The following RBFOX1 variants were observed in gnomAD, a reference collection of about 807,000 sequenced individuals.
RBFOX1 encodes RNA binding fox-1 homolog 1, also known as RNA binding protein fox-1 homolog 1.
A neutral mutation model predicts 57.7 loss-of-function variants in RBFOX1; 8 were observed. The ratio of observed to expected loss-of-function variants is 0.14; its 90% CI spans 0.08 to 0.25. RBFOX1 has a LOEUF of 0.25. RBFOX1 is among the 10% of genes least tolerant of loss of function. The probability of loss-of-function intolerance (pLI) is 1.00; values close to 1 mark genes in which losing one functional copy is unlikely to be tolerated. For synonymous variants in RBFOX1, 326 were observed against 222.4 expected, an observed-to-expected ratio of 1.47 and a Z score of -4.15; for missense variants, 611 against 548.5, an observed-to-expected ratio of 1.11 and a Z score of -1.14.
intron 4 of RBFOX1, among the ~76,000 whole-genome samples, chr16:7,102,781 T>C (rs1047195849): frequency 5.9e-5 from 9 of 152,174 alleles, no homozygotes; most frequent in African/African-American, 2.2e-4. Flanking sequence ...TCACTTGTCA[T>C]TTTACAAAGA....
chr16:7,027,334 G>T (rs1046782069), intron 3 of RBFOX1, among the ~76,000 whole-genome samples: 1 of 152,142 alleles, frequency 6.6e-6, no homozygotes, highest in African/African-American at 2.4e-5. Flanking sequence ...ATAGAATTTT[G>T]TCTCTGTGCC....
chr16:5,288,985 C>T (rs1378590211), intron 1 of RBFOX1, among the ~76,000 whole-genome samples: 1 of 151,794 alleles, frequency 6.6e-6, no homozygotes, highest in Admixed American at 6.6e-5. Context: ...ATTAGCTGGG[C>T]ATGGTGGCGC....
intron 3 of RBFOX1, among the ~76,000 whole-genome samples, chr16:6,673,504 C>T (rs1409711861): frequency 6.6e-6 from 1 of 152,134 alleles, no homozygotes; most frequent in African/African-American, 2.4e-5. Context: ...AGGAGAATCA[C>T]CTGAACCCAG....
At chr16:7,492,657 T>C (rs1251657908) in intron 4 of RBFOX1, among the ~76,000 whole-genome samples, 1 of 152,330 alleles carries the variant, frequency 6.6e-6, no homozygotes, top group Middle Eastern at 3.4e-3. Context: ...GATTGGACCA[T>C]GAAGGCAGAT....
At chr16:7,048,515 T>C (rs2048839330) in intron 3 of RBFOX1, among the ~76,000 whole-genome samples, 1 of 152,200 alleles carries the variant, frequency 6.6e-6, no homozygotes, top group Admixed American at 6.5e-5. Context: ...CGCCTCAGCC[T>C]TCCAAAGTGC....
At chr16:6,137,837 G>A (rs866015468) in intron 1 of RBFOX1, among the ~76,000 whole-genome samples, 3 of 151,810 alleles carry the variant, frequency 2.0e-5, no homozygotes, top group South Asian at 2.1e-4. Context: ...TTGAAACTCC[G>A]GGGCTCCAGT....
rs115048246 is a variant in RBFOX1, at chr16:6,121,395, C to T, written c.-127+101403C>T. ...GTGTGCTGAGTGTGCTGTGGACCAC[C>T]TTTGGAGAAACACCAGGGAAAGTGA... is the stretch of plus-strand genomic sequence containing the variant. On this transcript the variant is annotated intron_variant, in intron 1 of 15. Transcript: ENST00000550418. 7.0e-3 allele frequency among the ~76,000 whole-genome samples: 1,061 copies of T among 152,244 alleles called. 13 individuals carry two copies. The highest frequency in any genetic ancestry group is 0.024 in the African/African-American group (993 of 41,542).
intron 4 of RBFOX1, among the ~76,000 whole-genome samples, chr16:7,101,353 T>C (rs930758889): frequency 6.6e-6 from 1 of 152,188 alleles, no homozygotes; most frequent in Non-Finnish European, 1.5e-5. Context: ...AAAGGGAATT[T>C]AGGAAGAAAT....
At chr16:6,652,188 C>T (rs1193827258) in intron 2 of RBFOX1, among the ~76,000 whole-genome samples, 3 of 152,182 alleles carry the variant, frequency 2.0e-5, no homozygotes, top group Non-Finnish European at 4.4e-5. Flanking sequence ...CGGTGGCTCA[C>T]ACCTGTAATC....
At chr16:7,404,795 G>A (rs1000690336) in intron 4 of RBFOX1, among the ~76,000 whole-genome samples, 2 of 152,194 alleles carry the variant, frequency 1.3e-5, no homozygotes, top group African/African-American at 4.8e-5. Context: ...ATGCACAATA[G>A]GTTATCATTC....
chr16:5,363,171 C>T (rs2065603541), intron 1 of RBFOX1, among the ~76,000 whole-genome samples: 1 of 148,964 alleles, frequency 6.7e-6, no homozygotes, highest in African/African-American at 2.5e-5. Context: ...GTAGCTGGGA[C>T]TACAGGCATG....
chr16:7,221,869 C>G (rs1258041332), intron 4 of RBFOX1, among the ~76,000 whole-genome samples: 2 of 152,196 alleles, frequency 1.3e-5, no homozygotes, highest in African/African-American at 2.4e-5. Flanking sequence ...CCTGATTTAA[C>G]TTCATAAATC....
At chr16:7,401,845 A>C (rs910909563) in intron 4 of RBFOX1, among the ~76,000 whole-genome samples, 15 of 152,176 alleles carry the variant, frequency 9.9e-5, no homozygotes, top group Non-Finnish European at 1.8e-4. Context: ...GAGTTTCCAA[A>C]TTGCATAAAG....
At chr16:7,116,871 T>G (rs953623024) in intron 4 of RBFOX1, among the ~76,000 whole-genome samples, 1 of 152,142 alleles carries the variant, frequency 6.6e-6, no homozygotes, top group African/African-American at 2.4e-5. Flanking sequence ...GTGGGAGTCA[T>G]CAACACAAGA....
At chr16:6,456,551 T>G (rs2094778335) in intron 2 of RBFOX1, among the ~76,000 whole-genome samples, 1 of 152,198 alleles carries the variant, frequency 6.6e-6, no homozygotes, top group Non-Finnish European at 1.5e-5. Context: ...TAGCTTTTAC[T>G]TTAAGGACAA....
intron 1 of RBFOX1, among the ~76,000 whole-genome samples, chr16:5,443,075 T>C (rs2068133170): frequency 6.6e-6 from 1 of 152,066 alleles, no homozygotes; most frequent in South Asian, 2.1e-4. Context: ...CTCTAGAGCA[T>C]TTGGAGGGAG....
chr16:6,577,526 T>A (rs910596019), intron 2 of RBFOX1, among the ~76,000 whole-genome samples: 4 of 152,220 alleles, frequency 2.6e-5, no homozygotes, highest in Admixed American at 2.6e-4. Context: ...CTCAGTGATA[T>A]AACACAACAA....
chr16:6,961,780 A>G (rs1286954859), intron 3 of RBFOX1, among the ~76,000 whole-genome samples: 1 of 152,102 alleles, frequency 6.6e-6, no homozygotes, highest in Non-Finnish European at 1.5e-5. Context: ...CACTAGTGAG[A>G]GTGTCCTTTA....
chr16:5,923,530 C>CTTTTTTTTTTT (rs71404564), intron 4 of RBFOX1, among the ~76,000 whole-genome samples: 13 of 109,378 alleles, frequency 1.2e-4, no homozygotes, highest in African/African-American at 2.1e-4. Context: ...CAGAGCCAGG[C>CTTTTTTTTTTT]TTTTTTTTTT....
Sources: allele counts gnomAD v4.1 joint callset (sites outside exome capture counted in the v4.1 genomes callset), GRCh38; gene constraint gnomAD v4.1.1; transcripts MANE v1.5; gene names NCBI Gene and HGNC (gene_info 2026-07-23, HGNC 2026-07-21).